Variants in KDM6A observed in about 807,000 individuals in gnomAD.
KDM6A encodes lysine demethylase 6A, also known as lysine-specific demethylase 6A.
KDM6A carries 11 observed loss-of-function variants against 117.6 expected under a neutral mutation model. The observed-to-expected ratio is 0.09, with a 90% confidence interval of 0.06 to 0.15. The LOEUF (loss-of-function observed/expected upper bound fraction) is 0.15. Among genes scored for constraint, KDM6A ranks in the 10% least tolerant of loss-of-function variants. The probability of loss-of-function intolerance (pLI) is 1.00; values close to 1 mark genes in which losing one functional copy is unlikely to be tolerated. For synonymous variants in KDM6A, 384 were observed against 396.1 expected (o/e 0.97, Z 0.36); for missense variants, 799 against 1,077.3 (o/e 0.74, Z 3.62).
intron 8 of KDM6A, among the ~76,000 whole-genome samples, chrX:45,037,966 A>T (rs2042888416): frequency 8.9e-6 from 1 of 112,024 alleles, no homozygotes; most frequent in Admixed American, 9.5e-5. Flanking sequence ...TCACACCTGT[A>T]ATCCCACTGG....
Position 45,070,094 on chromosome X carries a change from C to T in KDM6A, c.2595C>T (p.Asn865=), listed in dbSNP as rs761267265. ...CAGCTGTTCATACAAAGACTGATAA[C>T]TCTGTTGCCTCTTCACCATCTTCAG... The part of the protein sequence containing the change: ...IHPAVHTKTD[N]SVASSPSSAI... The change falls in exon 18 of 30, where the codon AAC becomes AAT. Residue 865 remains asparagine (N), a synonymous_variant. Coordinates refer to ENST00000611820, the MANE Select transcript of KDM6A (RefSeq NM_001291415.2). 4 of 1,211,629 alleles carry T rather than the reference C, an allele frequency of 3.3e-6. No individual in the cohort carries two copies. The highest frequency in any genetic ancestry group is 4.3e-5 in the Admixed American group (2 of 46,006).
chrX:44,929,406 G>A (rs189074431), intron 2 of KDM6A, among the ~76,000 whole-genome samples: 2 of 111,169 alleles, frequency 1.8e-5, no homozygotes, highest in East Asian at 2.8e-4. Flanking sequence ...TATTTAAATG[G>A]AATCATACAG....
intron 10 of KDM6A, among the ~76,000 whole-genome samples, chrX:45,054,895 G>T (rs939308721): frequency 1.8e-5 from 2 of 111,731 alleles, no homozygotes; most frequent in African/African-American, 6.5e-5. Flanking sequence ...AATGTTTAGA[G>T]ACATTTATTT....
At chrX:45,047,826 G>A (rs1231673835) in intron 8 of KDM6A, among the ~76,000 whole-genome samples, 1 of 105,228 alleles carries the variant, frequency 9.5e-6, no homozygotes, top group Non-Finnish European at 1.9e-5. Flanking sequence ...TGAGACTACA[G>A]GCGCGTGCCA....
chrX:44,879,714 A>G (rs1040852866), intron 2 of KDM6A, among the ~76,000 whole-genome samples: 2 of 112,076 alleles, frequency 1.8e-5, no homozygotes, highest in Non-Finnish European at 3.8e-5. Flanking sequence ...AAAAATGTGA[A>G]ATATTCTGAA....
intron 2 of KDM6A, among the ~76,000 whole-genome samples, chrX:44,919,736 G>A (rs1005813920): frequency 3.7e-4 from 40 of 107,294 alleles, no homozygotes; most frequent in African/African-American, 1.4e-3. Flanking sequence ...CACTTCCCAG[G>A]TTCAAGCAAT....
At chrX:44,950,268 C>T (rs946804584) in intron 2 of KDM6A, among the ~76,000 whole-genome samples, 5 of 111,302 alleles carry the variant, frequency 4.5e-5, no homozygotes, top group African/African-American at 1.6e-4. Context: ...CCCGCCTCGG[C>T]CTCCCAAAGT....
At chrX:44,884,410 A>G (rs1319386221) in intron 2 of KDM6A, among the ~76,000 whole-genome samples, 1 of 111,519 alleles carries the variant, frequency 9.0e-6, no homozygotes, top group Non-Finnish European at 1.9e-5. Flanking sequence ...ATAGCAATGC[A>G]TGAATTTTAG....
chrX:45,096,013 C>A (rs769872884), intron 27 of KDM6A, among the ~76,000 whole-genome samples: 8 of 111,614 alleles, frequency 7.2e-5, no homozygotes, highest in African/African-American at 2.0e-4. Flanking sequence ...ATATGAACTG[C>A]AGTTTTTACA....
chrX:44,963,483 G>GTGTGTGTGTCTGTCTGTCTGTCTGTC (rs1481840859), intron 3 of KDM6A, among the ~76,000 whole-genome samples: 3 of 40,882 alleles, frequency 7.3e-5, no homozygotes, highest in African/African-American at 2.3e-4. Flanking sequence ...GTGTGTGTGT[G>GTGTGTGTGTCTGTCTGTCTGTCTGTC]TGTCTGTCTG....
intron 4 of KDM6A, among the ~76,000 whole-genome samples, chrX:44,992,806 A>G (rs1471032355): frequency 9.1e-6 from 1 of 109,894 alleles, no homozygotes; most frequent in Non-Finnish European, 1.9e-5. Flanking sequence ...TCGGCCTTCC[A>G]AAGTGCTGGG....
chrX:44,993,330 G>A (rs1358955443), intron 4 of KDM6A, among the ~76,000 whole-genome samples: 1 of 111,378 alleles, frequency 9.0e-6, no homozygotes, highest in African/African-American at 3.3e-5. Context: ...AAAAGAATGT[G>A]ATAAAAATTT....
At chrX:45,029,445 C>A (rs2042513260) in intron 6 of KDM6A, among the ~76,000 whole-genome samples, 1 of 108,817 alleles carries the variant, frequency 9.2e-6, no homozygotes, top group Non-Finnish European at 1.9e-5. Flanking sequence ...TAAATAAATA[C>A]ATACATACAT....
chrX:44,911,267 A>G (rs1252212020), intron 2 of KDM6A, among the ~76,000 whole-genome samples: 1 of 109,061 alleles, frequency 9.2e-6, no homozygotes, highest in African/African-American at 3.4e-5. Context: ...CTCACTTCTC[A>G]GATGGGGTGG....
intron 8 of KDM6A, among the ~76,000 whole-genome samples, chrX:45,045,986 A>G (rs1316939070): frequency 8.9e-6 from 1 of 111,763 alleles, no homozygotes; most frequent in African/African-American, 3.3e-5. Flanking sequence ...ATCCGAACCT[A>G]ATAAAAGACA....
intron 6 of KDM6A, among the ~76,000 whole-genome samples, chrX:45,024,829 G>A (rs953493414): frequency 9.0e-6 from 1 of 110,937 alleles, no homozygotes; most frequent in African/African-American, 3.3e-5. Context: ...ACCATAATTG[G>A]GGGCCAGCAT....
At chrX:45,013,847 G>C (rs975685691) in intron 5 of KDM6A, among the ~76,000 whole-genome samples, 3 of 112,281 alleles carry the variant, frequency 2.7e-5, no homozygotes, top group African/African-American at 9.7e-5. Flanking sequence ...TAGAAAGTAT[G>C]GGGTAGGTGC....
chrX:44,983,432 C>CT (rs1288943766), intron 4 of KDM6A, among the ~76,000 whole-genome samples: 1 of 111,313 alleles, frequency 9.0e-6, no homozygotes, highest in East Asian at 2.8e-4. Flanking sequence ...ATTTATTATA[C>CT]TTTAAGTTTT....
intron 6 of KDM6A, among the ~76,000 whole-genome samples, chrX:45,031,125 T>C (rs924113681): frequency 1.8e-5 from 2 of 112,634 alleles, no homozygotes; most frequent in African/African-American, 6.4e-5. Flanking sequence ...AACCCTGTTT[T>C]ATAAGGCTCT....
Sources: gnomAD v4.1 joint callset for allele counts (sites outside exome capture counted in the v4.1 genomes callset) on GRCh38, gnomAD v4.1.1 for gene constraint, MANE v1.5 for transcripts, NCBI Gene and HGNC (gene_info 2026-07-23, HGNC 2026-07-21) for gene names.